The following COQ2 variants were observed in gnomAD, a reference collection of about 807,000 sequenced individuals.
COQ2 encodes the protein 4-hydroxybenzoate polyprenyltransferase, mitochondrial.
In COQ2, 25 loss-of-function variants were observed where a neutral mutation model predicts 35.7. The ratio of observed to expected loss-of-function variants is 0.70; its 90% CI spans 0.51 to 0.98. COQ2 has a LOEUF of 0.98. Among genes scored for constraint, COQ2 ranks in the 50% least tolerant of loss-of-function variants. The pLI, the probability that COQ2 is intolerant of heterozygous loss-of-function variation, is 0.00. For missense variants in COQ2, 488 were observed against 473.5 expected (o/e 1.03, Z -0.28); for synonymous variants, 206 against 186.2 (o/e 1.11, Z -0.86).
rs1209638388 is a variant in COQ2 at position 83,269,975 on chromosome 4, C to A, written c.647G>T (p.Gly216Val). The change falls in exon 5 of 7, where the codon GGA becomes GTA. Residue 216 changes from glycine to valine, a missense_variant. By Grantham distance (109) the Gly-to-Val change is moderately radical. Coordinates refer to ENST00000647002, the MANE Select transcript of COQ2 (RefSeq NM_001358921.2). ...GATAGCAGACCATCCAAGTAACGCT[C>A]CCCAATTAAATGTCAAGCCTACAAT... is the stretch of plus-strand genomic sequence containing the variant. The part of the protein sequence containing the change: ...QLALGLTFNW[G>V]ALLGWSAIKG... 6.8e-6 allele frequency: 11 copies of A among 1,612,794 alleles called. No homozygotes were observed. Among genetic ancestry groups the A allele is most frequent in the African/African-American group, 2.7e-5 (2 of 74,828 alleles).
In COQ2 at chr4:83,269,846, G is replaced by T. The variant is rs587780909; in HGVS notation, c.762+14C>A. Reference sequence around the variant, plus strand: ...AACAACTAAACCAAAGTTAAGAAAAGATAATTTCTTTACCTGATGGGCATA... The same window carrying T: ...AACAACTAAACCAAAGTTAAGAAAATATAATTTCTTTACCTGATGGGCATA... On this transcript the variant is annotated intron_variant, in intron 5 of 6. Coordinates refer to ENST00000647002, the MANE Select transcript of COQ2 (RefSeq NM_001358921.2). 30 of 1,531,540 alleles carry T rather than the reference G, an allele frequency of 2.0e-5. No homozygotes were observed. The highest frequency in any genetic ancestry group is 1.7e-4 in the Middle Eastern group (1 of 5,904). 94.9% of individuals were successfully genotyped at this position (1,531,540 alleles called of 1,614,324 possible). A position where few individuals can be genotyped will look rare whatever the true frequency, so the allele number is the denominator to read the frequency against.
intron 1 of COQ2, among the ~76,000 whole-genome samples, chr4:83,280,800 G>C (rs921369102): frequency 6.6e-6 from 1 of 152,198 alleles, no homozygotes; most frequent in Non-Finnish European, 1.5e-5. Flanking sequence ...GTCCAGACCT[G>C]AATTCAGGTT....
chr4:83,277,318 A>G (rs7659905), intron 2 of COQ2, among the ~76,000 whole-genome samples: 151,182 of 152,334 alleles, frequency 0.99, 75,032 homozygotes, highest in East Asian at 1. Flanking sequence ...CCAGCCACAC[A>G]CAGACCATGT....
intron 3 of COQ2, among the ~76,000 whole-genome samples, chr4:83,272,854 C>T (rs960395621): frequency 5.3e-5 from 8 of 152,140 alleles, no homozygotes; most frequent in South Asian, 2.1e-4. Context: ...TCTAACACTA[C>T]CCCTTCCAGA....
chr4:83,266,904 A>G (rs912489317), intron 6 of COQ2: 24 of 286,986 alleles, frequency 8.4e-5, no homozygotes, highest in African/African-American at 5.3e-4. Flanking sequence ...TCTACTAACC[A>G]TCACTAGAAA....
At chr4:83,281,618 C>T (rs1453048082) in intron 1 of COQ2, 1 of 152,116 alleles carries the variant, frequency 6.6e-6, no homozygotes. Flanking sequence ...CTCACAGAGT[C>T]GTTAAGAGAT....
chr4:83,268,374 G>A (rs1170442793), intron 5 of COQ2, among the ~76,000 whole-genome samples: 3 of 152,306 alleles, frequency 2.0e-5, no homozygotes, highest in Middle Eastern at 3.4e-3. Flanking sequence ...CTCCCAGCAA[G>A]TTTACTTGTA....
intron 2 of COQ2, among the ~76,000 whole-genome samples, chr4:83,273,980 C>CAAAA (rs967781699): frequency 1.7e-4 from 5 of 29,036 alleles, no homozygotes; most frequent in African/African-American, 2.3e-4. Context: ...GCTGTCTCTA[C>CAAAA]AAAAAAAAAA....
intron 1 of COQ2, among the ~76,000 whole-genome samples, chr4:83,282,362 C>T (rs1010452207): frequency 6.6e-6 from 1 of 152,136 alleles, no homozygotes; most frequent in African/African-American, 2.4e-5. Context: ...AGTAAAACAA[C>T]GAACACATAA....
At chr4:83,278,341 A>G (rs1735232188) in intron 2 of COQ2, among the ~76,000 whole-genome samples, 1 of 152,192 alleles carries the variant, frequency 6.6e-6, no homozygotes, top group Admixed American at 6.5e-5. Flanking sequence ...CAAAAAAAAA[A>G]TCCAGTGAAA....
At chr4:83,265,951 C>T (rs1465070324) in intron 6 of COQ2, among the ~76,000 whole-genome samples, 4 of 152,180 alleles carry the variant, frequency 2.6e-5, no homozygotes, top group Admixed American at 6.5e-5. Context: ...AGGCGTGAGC[C>T]ACTGCGCCTG....
upstream of COQ2, chr4:83,284,862 G>A: frequency 6.5e-7 from 1 of 1,536,470 alleles, no homozygotes; most frequent in Non-Finnish European, 8.7e-7. Context: ...GCCAGGCTGG[G>A]CGGCGGTGTG....
chr4:83,266,347 A>AT (rs1734917950), intron 6 of COQ2, among the ~76,000 whole-genome samples: 1 of 146,902 alleles, frequency 6.8e-6, no homozygotes, highest in South Asian at 2.1e-4. Context: ...AGCTTCATGA[A>AT]TATCTTCTTT....
chr4:83,269,902 T>G lies in COQ2; in HGVS notation c.720A>C (p.Gly240=), dbSNP rs746437452. The change falls in exon 5 of 7, where the codon GGA becomes GGC. Residue 240 remains glycine, a synonymous_variant. Transcript: ENST00000647002. ...TATCATATATTAGTGTCCACATAAC[T>G]CCAGAAAAATAAAGAGGCAGGCAAA... ...PSVCLPLYFS[G]VMWTLIYDTI... The G allele has an allele frequency of 6.2e-7, 1 of 1,611,802 alleles. No homozygotes were observed. The highest frequency in any genetic ancestry group is 8.5e-7 in the Non-Finnish European group (1 of 1,178,170).
intron 5 of COQ2, among the ~76,000 whole-genome samples, chr4:83,269,369 A>T (rs1428402288): frequency 6.6e-6 from 1 of 152,232 alleles, no homozygotes; most frequent in East Asian, 1.9e-4. Context: ...TACACCAAGT[A>T]AAAAAGTTGC....
chr4:83,283,980 GCTC>G, intron 1 of COQ2: 1 of 985,432 alleles, frequency 1.0e-6, no homozygotes, highest in Non-Finnish European at 1.2e-6. Context: ...AGGTAAAAGA[GCTC>G]CGACTCAGCA....
intron 4 of COQ2, among the ~76,000 whole-genome samples, chr4:83,271,315 G>A (rs767493107): frequency 4.6e-5 from 7 of 152,104 alleles, no homozygotes; most frequent in South Asian, 2.1e-4. Flanking sequence ...AGTAAGTGCC[G>A]GATTAGAATC....
rs775381654 is a variant in COQ2, at chr4:83,284,617, C to T, written c.148G>A (p.Glu50Lys). The T allele has an allele frequency of 3.3e-6, 5 of 1,523,886 alleles. No homozygotes were observed. The highest frequency in any genetic ancestry group is 1.9e-4 in the Middle Eastern group (1 of 5,200). 94.4% of individuals were successfully genotyped at this position (1,523,886 alleles called of 1,614,324 possible). The change falls in exon 1 of 7, where the codon GAG becomes AAG. Residue 50 changes from glutamate (E) to lysine (K), a missense_variant. Transcript: ENST00000647002. ...GGDLQPPACP[E>K]PRGRQLSLSA... ...AAACTGAGCTGGCGCCCGCGCGGCTCGGGACAGGCGGGGGGCTGCAAGTCA... is the reference window on the plus strand; with the variant it reads ...AAACTGAGCTGGCGCCCGCGCGGCTTGGGACAGGCGGGGGGCTGCAAGTCA...
At chr4:83,273,243 T>C (rs1431206844) in intron 3 of COQ2, among the ~76,000 whole-genome samples, 1 of 152,236 alleles carries the variant, frequency 6.6e-6, no homozygotes, top group Non-Finnish European at 1.5e-5. Context: ...TTGCCTTGTG[T>C]CCCTTAGGGA....
Sources: allele counts gnomAD v4.1 joint callset (sites outside exome capture counted in the v4.1 genomes callset), GRCh38; gene constraint gnomAD v4.1.1; transcripts MANE v1.5; gene names NCBI Gene and HGNC (gene_info 2026-07-23, HGNC 2026-07-21).